COPE: variants seen among roughly 807,000 people sequenced by gnomAD.
COPE encodes coat protein complex I subunit epsilon.
In COPE, 19 loss-of-function variants were observed where a neutral mutation model predicts 42.1. The observed-to-expected ratio is 0.45, with a 90% CI of 0.31 to 0.66. COPE has a LOEUF of 0.66. COPE is among the 30% of genes least tolerant of loss of function. The pLI, the probability that COPE is intolerant of heterozygous loss-of-function variation, is 0.05. For synonymous variants in COPE, 195 were observed against 181.3 expected (o/e 1.08, Z -0.60); for missense variants, 402 against 416.1 (o/e 0.97, Z 0.30).
intron 1 of COPE, among the ~76,000 whole-genome samples, chr19:18,915,289 C>T (rs1038737865): frequency 1.3e-5 from 2 of 152,224 alleles, no homozygotes; most frequent in Non-Finnish European, 2.9e-5. Context: ...CCATCGGGGG[C>T]ACCAGGGTGG....
At chr19:18,905,032 G>C (rs1257344875) in intron 5 of COPE, among the ~76,000 whole-genome samples, 180 bp from the exon 6 acceptor site, 2 of 152,226 alleles carry the variant, frequency 1.3e-5, no homozygotes, top group African/African-American at 4.8e-5. Flanking sequence ...ACCACGTGCA[G>C]GCCCTGGGAA....
At chr19:18,915,777 C>A (rs2056849001) in intron 1 of COPE, among the ~76,000 whole-genome samples, 1 of 152,230 alleles carries the variant, frequency 6.6e-6, no homozygotes. Flanking sequence ...AGTGATCTGA[C>A]CGCACTGGGC....
intron 8 of COPE, 152 bp downstream of exon 8, chr19:18,900,229 T>TG (rs948003494): frequency 1.5e-6 from 1 of 665,960 alleles, no homozygotes; most frequent in Non-Finnish European, 2.6e-6. Flanking sequence ...GAGGATGGGT[T>TG]GGGGGGCACA....
intron 1 of COPE, among the ~76,000 whole-genome samples, chr19:18,917,251 T>C (rs574433998): frequency 1.5e-4 from 22 of 150,654 alleles, no homozygotes; most frequent in African/African-American, 5.3e-4. Flanking sequence ...CTTTTTTTTT[T>C]TTTTTTTTTG....
At chr19:18,911,294 T>C in intron 2 of COPE, 1 of 565,156 alleles carries the variant, frequency 1.8e-6, no homozygotes, top group Non-Finnish European at 3.2e-6. Flanking sequence ...TGCCCATGCC[T>C]TGAGCTAGGG....
chr19:18,900,294 G>A (rs2056685355), intron 8 of COPE, 87 bp downstream of exon 8: 5 of 1,115,024 alleles, frequency 4.5e-6, no homozygotes, highest in East Asian at 5.2e-5. Flanking sequence ...AGTTTTCCCA[G>A]GGGCCTAGGG....
intron 6 of COPE, 96 bp from the exon 7 acceptor site, chr19:18,903,519 C>T: frequency 1.4e-6 from 2 of 1,393,058 alleles, no homozygotes; most frequent in Non-Finnish European, 1.9e-6. Context: ...CAGCACTGCA[C>T]AGAGACGAAT....
rs772007066 is a variant in COPE, at chr19:18,899,698, T to C, written c.908A>G (p.Gln303Arg). Residue 303 changes from glutamine (Q) to arginine (R), a missense_variant, in exon 10 of 10, where the codon CAG becomes CGG. Transcript: ENST00000262812. ...KENDFDRLVL[Q>R]YAPSA is the part of the protein sequence containing the mutation. The stretch of plus-strand genomic sequence containing the variant: ...CCAGCCTCAGGCGCTGGGAGCGTAC[T>C]GTAGCACCAGCCTGTCAAAGTCGTT... The C allele has an allele frequency of 1.2e-5, 20 of 1,613,498 alleles. No individual in the cohort carries two copies. In the African/African-American group the frequency reaches 1.9e-4, roughly 15 times the overall value.
chr19:18,905,743 G>C (rs1432910686), intron 4 of COPE, 114 bp from the exon 5 acceptor site: 10 of 1,076,638 alleles, frequency 9.3e-6, no homozygotes, highest in Admixed American at 2.5e-5. Context: ...CTGTGCTTAG[G>C]ACCACCAGCC....
chr19:18,904,014 G>A (rs1284470114), intron 6 of COPE, among the ~76,000 whole-genome samples: 1 of 152,246 alleles, frequency 6.6e-6, no homozygotes, highest in African/African-American at 2.4e-5. Context: ...TGCTCAGGCA[G>A]GAGTGCACTG....
chr19:18,900,032 G>T, intron 8 of COPE, 85 bp from the exon 9 acceptor site: 2 of 1,185,808 alleles, frequency 1.7e-6, no homozygotes, highest in Non-Finnish European at 2.4e-6. Context: ...GGATTGGGGT[G>T]AGAGCCACAG....
Position 18,900,411 on chromosome 19 carries a change from G to T in COPE, c.774C>A (p.Val258=). 1 of 1,549,526 alleles carries T rather than the reference G, an allele frequency of 6.5e-7. No homozygotes were observed. The highest frequency in any genetic ancestry group is 8.7e-7 in the Non-Finnish European group (1 of 1,146,194). The change falls in exon 8 of 10, where the codon GTC becomes GTA. Residue 258 remains valine, a synonymous_variant. Coordinates refer to ENST00000262812, the MANE Select transcript of COPE (RefSeq NM_007263.4). ...GGGGCTTGCCCAGGTGCTGGGACAG[G>T]ACGATGAGGTTGACCAGCGTCTCTG... is the stretch of plus-strand genomic sequence containing the variant. ...GYPETLVNLI[V]LSQHLGKPPE... is the part of the protein sequence containing the mutation.
intron 3 of COPE, among the ~76,000 whole-genome samples, chr19:18,910,148 A>AG: frequency 6.6e-6 from 1 of 152,118 alleles, no homozygotes; most frequent in East Asian, 1.9e-4. Flanking sequence ...CCACAGCAGG[A>AG]GGGGGCAAGG....
At chr19:18,916,572 G>A (rs1182510004) in intron 1 of COPE, among the ~76,000 whole-genome samples, 2 of 151,602 alleles carry the variant, frequency 1.3e-5, no homozygotes, top group Non-Finnish European at 2.9e-5. Context: ...GGCGGATCAT[G>A]AGGTCAGGAG....
intron 6 of COPE, among the ~76,000 whole-genome samples, chr19:18,904,097 CT>C (rs1391968206): frequency 6.6e-6 from 1 of 152,258 alleles, no homozygotes; most frequent in Non-Finnish European, 1.5e-5. Flanking sequence ...TCCTGAGTAG[CT>C]GGGTTTACAG....
intron 1 of COPE, among the ~76,000 whole-genome samples, chr19:18,915,894 G>A (rs1374878432): frequency 6.6e-6 from 1 of 152,230 alleles, no homozygotes; most frequent in Non-Finnish European, 1.5e-5. Context: ...ACGTCATGAT[G>A]GTAGCCTAGT....
At chr19:18,900,147 G>A in intron 8 of COPE, 200 bp from the exon 9 acceptor site, 1 of 624,480 alleles carries the variant, frequency 1.6e-6, no homozygotes, top group Non-Finnish European at 2.8e-6. Context: ...GCGCTGGCAT[G>A]GAGCTGGCCT....
chr19:18,904,263 C>T (rs1845413273), intron 6 of COPE, among the ~76,000 whole-genome samples: 1 of 152,242 alleles, frequency 6.6e-6, no homozygotes, highest in East Asian at 1.9e-4. Context: ...CTGCGACCAG[C>T]CAGGAAGCAC....
chr19:18,913,197 C>A, intron 1 of COPE, 151 bp from the exon 2 acceptor site: 4 of 695,384 alleles, frequency 5.8e-6, no homozygotes, highest in Non-Finnish European at 1.0e-5. Context: ...TCCTCCGTAG[C>A]CCGAGTGGCC....
Sources: gnomAD v4.1 joint callset for allele counts (sites outside exome capture counted in the v4.1 genomes callset) on GRCh38, gnomAD v4.1.1 for gene constraint, MANE v1.5 for transcripts, NCBI Gene and HGNC (gene_info 2026-07-23, HGNC 2026-07-21) for gene names.